TSC2: variants seen among roughly 807,000 people sequenced by gnomAD.
TSC2 encodes the protein TSC complex subunit 2.
Under a neutral mutation model 202.2 loss-of-function variants are expected in TSC2, and 29 were observed. The observed-to-expected ratio is 0.14, with a 90% CI of 0.11 to 0.20. TSC2 has a LOEUF of 0.20. TSC2 is among the 10% of genes least tolerant of loss of function. TSC2 has a pLI of 1.00. For missense variants in TSC2, 2,429 were observed against 2,420.0 expected (o/e 1.00, Z -0.08); for synonymous variants, 1,349 against 1,044.0 (o/e 1.29, Z -5.63).
intron 33 of TSC2, 57 bp downstream of exon 33, chr16:2,083,873 C>A (rs1027805966): frequency 1.2e-5 from 19 of 1,572,902 alleles, no homozygotes; most frequent in Non-Finnish European, 1.5e-5. Context: ...TTAGGGGAGG[C>A]AGGGCTCTGC....
chr16:2,058,999 T>C, intron 10 of TSC2, 126 bp downstream of exon 10: 1 of 1,471,394 alleles, frequency 6.8e-7, no homozygotes, highest in Non-Finnish European at 9.2e-7. Context: ...TTCCAGGCAG[T>C]TGCTTTGCAG....
In TSC2 at chr16:2,079,204, C is replaced by T. The variant is rs763702215; in HGVS notation, c.3131+8C>T. On this transcript the variant is annotated splice_region_variant and intron_variant, in intron 27 of 41. Transcript: ENST00000219476. This position sits in a 1 kb window ranked among gnomAD's most constrained non-coding sequence, Gnocchi z 4.6. ...CACGGCTGTCCCGAAGAGGTCCAGGCGGCACTACAGGGCTGGGCGGGCCTG... is the reference window on the plus strand; with the variant it reads ...CACGGCTGTCCCGAAGAGGTCCAGGTGGCACTACAGGGCTGGGCGGGCCTG... The T allele has an allele frequency of 1.2e-5, 19 of 1,612,726 alleles. No homozygotes were observed. Among genetic ancestry groups the T allele is most frequent in the Admixed American group, 5.0e-5 (3 of 59,998 alleles).
In TSC2 at chr16:2,084,536, G is replaced by T. The variant is rs1240764768; in HGVS notation, c.4314G>T (p.Arg1438=). 4 of 1,609,278 alleles carry T rather than the reference G, an allele frequency of 2.5e-6. No homozygotes were observed. The highest frequency in any genetic ancestry group is 2.5e-6 in the Non-Finnish European group (3 of 1,179,272). Residue 1438 remains arginine, a synonymous_variant, in exon 34 of 42, where the codon CGG becomes CGT. Transcript: ENST00000219476. ...AAWSASGEDS[R]GQPEGPLPSS... Reference sequence around the variant, plus strand: ...GGTCGGCCTCGGGCGAAGACAGTCGGGGCCAGCCCGAGGGTCCCTTGCCTT... The same window carrying T: ...GGTCGGCCTCGGGCGAAGACAGTCGTGGCCAGCCCGAGGGTCCCTTGCCTT...
chr16:2,077,408 A>G (rs1183551289), intron 25 of TSC2, 190 bp from the exon 26 acceptor site: 4 of 741,352 alleles, frequency 5.4e-6, no homozygotes, highest in Middle Eastern at 4.0e-4. Context: ...ATTATCATGC[A>G]TTTTTGTTTT....
At chr16:2,067,219 T>C (rs754827544) in intron 16 of TSC2, among the ~76,000 whole-genome samples, 5 of 152,040 alleles carry the variant, frequency 3.3e-5, no homozygotes, top group Non-Finnish European at 7.4e-5. Flanking sequence ...GGTGCAGTGC[T>C]GTGACCATAG....
At chr16:2,061,773 G>A in intron 11 of TSC2, 98 bp from the exon 12 acceptor site, 2 of 1,599,126 alleles carry the variant, frequency 1.3e-6, no homozygotes, top group East Asian at 2.2e-5. Flanking sequence ...TGAGAGGGCT[G>A]AGGGTGTCTC....
At chr16:2,067,288 A>G (rs1245168769) in intron 16 of TSC2, among the ~76,000 whole-genome samples, 1 of 151,980 alleles carries the variant, frequency 6.6e-6, no homozygotes, top group African/African-American at 2.4e-5. Context: ...AGGCCTCCCA[A>G]GTAGCTGGGA....
At chr16:2,078,667 T>C (rs1055248956) in intron 26 of TSC2, 2 of 367,282 alleles carry the variant, frequency 5.4e-6, no homozygotes, top group Non-Finnish European at 1.0e-5. Context: ...GGAGGCAGCC[T>C]GCGGGCAGAA....
intron 32 of TSC2, 79 bp downstream of exon 32, chr16:2,082,583 C>A (rs1223074482): frequency 1.3e-6 from 2 of 1,507,894 alleles, no homozygotes; most frequent in Non-Finnish European, 1.8e-6. Context: ...GCCTCATCCG[C>A]CCACCCCCAT....
intron 17 of TSC2, among the ~76,000 whole-genome samples, chr16:2,071,206 G>T (rs997552002): frequency 2.0e-5 from 3 of 152,212 alleles, no homozygotes; most frequent in Admixed American, 1.3e-4. Flanking sequence ...GCAGTTGGGG[G>T]CGTGTGGTGC....
chr16:2,088,887 AC>A lies in TSC2; in HGVS notation c.*278del, dbSNP rs200372958. 9.6e-3 allele frequency: 3,700 copies of A among 387,146 alleles called. 135 individuals carry two copies. Among genetic ancestry groups the A allele is most frequent in the African/African-American group, 0.067 (3,284 of 48,836 alleles). The allele number at this position is 387,146 out of a possible 1,614,324, so 24.0% of individuals were successfully genotyped here. A position where few individuals can be genotyped will look rare whatever the true frequency, so the allele number is the denominator to read the frequency against. The stretch of plus-strand genomic sequence containing the variant: ...CACTCGCGCGTGCGCGCGCGCACAC[AC>A]ACACACACACAGTCACCTTCCTCCA... On this transcript the variant is annotated 3_prime_UTR_variant, in exon 42 of 42. Transcript: ENST00000219476.
chr16:2,062,257 G>A (rs1476334323), intron 12 of TSC2, among the ~76,000 whole-genome samples: 2 of 152,242 alleles, frequency 1.3e-5, no homozygotes, highest in Non-Finnish European at 2.9e-5. Flanking sequence ...GTAGAGTCCT[G>A]TGGCTCCCAG....
Position 2,079,271 on chromosome 16 carries a change from T to G in TSC2, c.3132-5T>G. 1 of 1,612,922 alleles carries G rather than the reference T, an allele frequency of 6.2e-7. No homozygotes were observed. The highest frequency in any genetic ancestry group is 8.5e-7 in the Non-Finnish European group (1 of 1,179,990). On this transcript the variant is annotated splice_region_variant and splice_polypyrimidine_tract_variant and intron_variant, in intron 27 of 41. Transcript: ENST00000219476. This position sits in a 1 kb window ranked among gnomAD's most constrained non-coding sequence, Gnocchi z 4.6. ...AAGCTGGGTTTCACGCTCCCTGTCT[T>G]CTAGGTCTCCTGTGGGCGAGTTCCT...
chr16:2,077,657 TC>T lies in TSC2; in HGVS notation c.2898del (p.Phe966LeufsTer50), dbSNP rs1239902296. 1 of 1,613,040 alleles carries T rather than the reference TC, an allele frequency of 6.2e-7. No homozygotes were observed. Among genetic ancestry groups the T allele is most frequent in the Non-Finnish European group, 8.5e-7 (1 of 1,180,012 alleles). ...GLNNSPPVKE[F>X]KESSAAEAFR... ...AATAACTCTCCACCCGTGAAAGAAT[TC>T]AAGGAGAGCTCTGCAGCCGAGGCCT... is the stretch of plus-strand genomic sequence containing the variant. On this transcript the variant is annotated frameshift_variant, in exon 26 of 42. Transcript: ENST00000219476. LOFTEE classifies it high-confidence loss of function.
chr16:2,077,485 C>A, intron 25 of TSC2, 113 bp from the exon 26 acceptor site: 1 of 1,522,676 alleles, frequency 6.6e-7, no homozygotes, highest in Non-Finnish European at 9.0e-7. Context: ...CGGGATCTCT[C>A]CATCCTGACC....
chr16:2,088,932 A>G lies in TSC2; in HGVS notation c.*322A>G. 1 of 382,522 alleles carries G rather than the reference A, an allele frequency of 2.6e-6. No homozygotes were observed. Among genetic ancestry groups the G allele is most frequent in the Non-Finnish European group, 4.9e-6 (1 of 205,828 alleles). 23.7% of individuals were successfully genotyped at this position (382,522 alleles called of 1,614,324 possible). A position where few individuals can be genotyped will look rare whatever the true frequency, so the allele number is the denominator to read the frequency against. On this transcript the variant is annotated 3_prime_UTR_variant, in exon 42 of 42. Transcript: ENST00000219476. The stretch of plus-strand genomic sequence containing the variant: ...TCCTCCACCCTGGGAGCCAGCCCCC[A>G]GGAGGAGTCTTTTCCTCTAACCACC...
intron 16 of TSC2, chr16:2,068,772 C>G (rs998693376): frequency 2.0e-5 from 3 of 146,720 alleles, no homozygotes; most frequent in Non-Finnish European, 4.4e-5. Context: ...ACTCGGGAGG[C>G]TGAGGTAGGA....
chr16:2,060,920 A>ATGGGG, intron 11 of TSC2, 107 bp downstream of exon 11: 2 of 1,392,176 alleles, frequency 1.4e-6, no homozygotes, highest in Non-Finnish European at 2.0e-6. Flanking sequence ...TCCCGCAGAG[A>ATGGGG]CTGCCAGAAC....
intron 3 of TSC2, 147 bp downstream of exon 3, chr16:2,050,633 G>A: frequency 1.5e-6 from 1 of 648,234 alleles, no homozygotes. Context: ...ATGGAGTCTT[G>A]CTCTGTCGCC....
Sources: allele counts gnomAD v4.1 joint callset (sites outside exome capture counted in the v4.1 genomes callset), GRCh38; gene constraint gnomAD v4.1.1; non-coding constraint Gnocchi (gnomAD v3.1); transcripts MANE v1.5; gene names NCBI Gene and HGNC (gene_info 2026-07-23, HGNC 2026-07-21).